Variants in C2CD3 observed in about 807,000 individuals in gnomAD.
C2CD3 encodes the protein C2 domain containing 3 centriole elongation regulator.
C2CD3 carries 148 observed loss-of-function variants against 234.0 expected under a neutral mutation model. That is an observed-to-expected ratio of 0.63 (90% CI 0.55 to 0.72). C2CD3 has a LOEUF of 0.72. Among genes scored for constraint, C2CD3 ranks in the 30% least tolerant of loss-of-function variants. C2CD3 has a pLI of 0.00. For synonymous variants in C2CD3, 1,000 were observed against 1,035.4 expected (o/e 0.97, Z 0.66); for missense variants, 2,577 against 2,811.5 (o/e 0.92, Z 1.89).
At chr11:74,098,634 T>C (rs1956201934) in intron 15 of C2CD3, among the ~76,000 whole-genome samples, 1 of 152,212 alleles carries the variant, frequency 6.6e-6, no homozygotes, top group African/African-American at 2.4e-5. Flanking sequence ...TTGGAAAATA[T>C]TGCCAATATC....
chr11:74,133,475 C>A lies in C2CD3; in HGVS notation c.1038G>T (p.Leu346Phe), dbSNP rs1957747371. Residue 346 changes from leucine (L) to phenylalanine (F), a missense_variant, in exon 6 of 33, where the codon TTG becomes TTT. Coordinates refer to ENST00000334126, the MANE Select transcript of C2CD3 (RefSeq NM_001286577.2). Reference protein sequence around the residue: ...MKSSPETSMLLDQVHPPINED... With the variant: ...MKSSPETSMLFDQVHPPINED... Reference sequence around the variant, plus strand: ...CATTAATAGGAGGATGAACTTGGTCCAACAACATGCTGGTCTCTGGGCTTG... The same window carrying A: ...CATTAATAGGAGGATGAACTTGGTCAAACAACATGCTGGTCTCTGGGCTTG... The A allele has an allele frequency of 1.9e-6, 3 of 1,613,718 alleles. No individual in the cohort carries two copies. The Admixed American group carries it at 5.0e-5, about 27-fold the overall frequency.
intron 16 of C2CD3, among the ~76,000 whole-genome samples, chr11:74,097,032 C>T (rs1447377578): frequency 2.6e-5 from 4 of 151,606 alleles, no homozygotes; most frequent in Admixed American, 6.6e-5. Flanking sequence ...GCCTGTAATC[C>T]CAGCTACCCG....
intron 12 of C2CD3, among the ~76,000 whole-genome samples, chr11:74,106,968 A>G (rs1171872563): frequency 3.3e-5 from 5 of 152,242 alleles, no homozygotes; most frequent in Admixed American, 3.3e-4. Flanking sequence ...AGATATTAAA[A>G]GCTTTAAATA....
intron 2 of C2CD3, 47 bp downstream of exon 2, chr11:74,168,297 A>C: frequency 6.7e-7 from 1 of 1,486,188 alleles, no homozygotes; most frequent in Non-Finnish European, 9.4e-7. Flanking sequence ...ATATAACCAC[A>C]TGCTTTGTAT....
intron 14 of C2CD3, among the ~76,000 whole-genome samples, chr11:74,102,764 G>A (rs1956361036): frequency 6.6e-6 from 1 of 152,132 alleles, no homozygotes; most frequent in South Asian, 2.1e-4. Flanking sequence ...GTAGGCAGAA[G>A]AATAAATGTG....
Position 74,123,035 on chromosome 11 carries a change from G to C in C2CD3, c.1318C>G (p.Pro440Ala), listed in dbSNP as rs752993731. ...DVYCISELND[P>A]QYDQSLLENL... ...TCCAGAAGACTCTGGTCATACTGAG[G>C]GTCATTCAGCTCACTGATGCAATAC... Residue 440 changes from proline (P) to alanine (A), a missense_variant, in exon 8 of 33, where the codon CCT (proline) becomes GCT (alanine). Pro to Ala is a conservative substitution (Grantham distance 27). Coordinates refer to ENST00000334126, the MANE Select transcript of C2CD3 (RefSeq NM_001286577.2). 1.9e-6 allele frequency: 3 copies of C among 1,613,268 alleles called. No homozygotes were observed. In the Admixed American group the frequency reaches 5.0e-5, roughly 27 times the overall value.
At chr11:74,030,473 G>A (rs1406389969) in intron 31 of C2CD3, among the ~76,000 whole-genome samples, 1 of 152,086 alleles carries the variant, frequency 6.6e-6, no homozygotes, top group East Asian at 1.9e-4. Flanking sequence ...ACATTCTCCC[G>A]GACCTGTGTG....
At chr11:74,081,991 C>G (rs1955394055) in intron 22 of C2CD3, among the ~76,000 whole-genome samples, 1 of 152,116 alleles carries the variant, frequency 6.6e-6, no homozygotes, top group African/African-American at 2.4e-5. Flanking sequence ...TTTCTCTTGC[C>G]TGATTGCCCT....
At chr11:74,134,857 C>A (rs1445544302) in intron 5 of C2CD3, among the ~76,000 whole-genome samples, 5 of 152,100 alleles carry the variant, frequency 3.3e-5, no homozygotes, top group Non-Finnish European at 5.9e-5. Flanking sequence ...TCCCAAGTAG[C>A]TAGACTATAG....
intron 3 of C2CD3, among the ~76,000 whole-genome samples, chr11:74,159,168 G>A (rs1856262821): frequency 6.6e-6 from 1 of 152,150 alleles, no homozygotes; most frequent in Non-Finnish European, 1.5e-5. Flanking sequence ...CGATGCTGAT[G>A]TAAACAAACC....
In C2CD3 at chr11:74,108,891, A is replaced by G. The variant is rs1319055496; in HGVS notation, c.1962+143T>C. The G allele has an allele frequency of 1.1e-4, 32 of 278,574 alleles. No homozygotes were observed. The East Asian group carries it at 1.5e-3, about 13-fold the overall frequency. The allele number at this position is 278,574 out of a possible 1,614,324, so 17.3% of individuals were successfully genotyped here. A position where few individuals can be genotyped will look rare whatever the true frequency, so the allele number is the denominator to read the frequency against. On this transcript the variant is annotated intron_variant, in intron 12 of 32. Transcript: ENST00000334126. ...TAGTAGTAGTAATAATAATAATGAT[A>G]ATAATAATAATAATAATAATAACAA...
At chr11:74,107,392 T>C (rs535514300) in intron 12 of C2CD3, among the ~76,000 whole-genome samples, 3 of 151,970 alleles carry the variant, frequency 2.0e-5, no homozygotes, top group Admixed American at 6.5e-5. Context: ...TACACAAATA[T>C]GTATATGTTA....
chr11:74,139,048 A>G, intron 4 of C2CD3, 81 bp from the exon 5 acceptor site: 1 of 1,271,494 alleles, frequency 7.9e-7, no homozygotes, highest in Non-Finnish European at 1.1e-6. Flanking sequence ...CAGAAAGTAG[A>G]CCAGTGGTTT....
intron 24 of C2CD3, among the ~76,000 whole-genome samples, chr11:74,072,624 A>G (rs1464607299): frequency 6.6e-6 from 1 of 152,230 alleles, no homozygotes. Flanking sequence ...AAAGTCACAC[A>G]TATGTACACA....
rs568159390 is a variant in C2CD3, at chr11:74,129,074, C to G, written c.1217+3770G>C. 7 of 202,446 alleles carry G rather than the reference C, an allele frequency of 3.5e-5. No individual in the cohort carries two copies. The East Asian group carries it at 1.2e-3, about 35-fold the overall frequency. The allele number at this position is 202,446 out of a possible 1,614,324, so 12.5% of individuals were successfully genotyped here. A position where few individuals can be genotyped will look rare whatever the true frequency, so the allele number is the denominator to read the frequency against. ...TGAGCTGTTGGGTACACCTCCCAGA[C>G]AGGGTGGTGGCCGGGCAGAGGGGCT... On this transcript the variant is annotated intron_variant, in intron 7 of 32. Transcript: ENST00000334126.
chr11:74,057,740 G>C (rs1433977211), intron 24 of C2CD3, among the ~76,000 whole-genome samples, 196 bp from the exon 25 acceptor site: 1 of 152,106 alleles, frequency 6.6e-6, no homozygotes, highest in African/African-American at 2.4e-5. Context: ...GGAGACCAAG[G>C]TAGGAGGACA....
intron 9 of C2CD3, among the ~76,000 whole-genome samples, chr11:74,117,108 A>G (rs1286834436): frequency 1.7e-5 from 1 of 58,158 alleles, no homozygotes; most frequent in Non-Finnish European, 3.0e-5. Flanking sequence ...ATGAATATAT[A>G]TATATGAATA....
intron 24 of C2CD3, among the ~76,000 whole-genome samples, chr11:74,072,369 G>A (rs1458092926): frequency 1.3e-5 from 2 of 152,172 alleles, no homozygotes; most frequent in Non-Finnish European, 2.9e-5. Context: ...TAGTTACTAT[G>A]AGCACAGGTT....
At chr11:74,026,870 C>G (rs2886883) in intron 32 of C2CD3, among the ~76,000 whole-genome samples, 1,691 of 149,738 alleles carry the variant, frequency 0.011, 27 homozygotes, top group African/African-American at 0.039. Flanking sequence ...ACTTGGGAGG[C>G]TGAGGCAGGA....
Sources: gnomAD v4.1 joint callset for allele counts (sites outside exome capture counted in the v4.1 genomes callset) on GRCh38, gnomAD v4.1.1 for gene constraint, MANE v1.5 for transcripts, NCBI Gene and HGNC (gene_info 2026-07-23, HGNC 2026-07-21) for gene names.